The following LIPA variants were observed in gnomAD, a reference collection of about 807,000 sequenced individuals.
The protein encoded by LIPA is lysosomal acid lipase/cholesteryl ester hydrolase.
LIPA carries 26 observed loss-of-function variants against 40.6 expected under a neutral mutation model. The observed-to-expected ratio is 0.64, with a 90% CI of 0.47 to 0.89. The LOEUF is 0.89. LIPA is among the 40% of genes least tolerant of loss of function. The probability of loss-of-function intolerance (pLI) is 0.00; values close to 1 mark genes in which losing one functional copy is unlikely to be tolerated. For synonymous variants in LIPA, 188 were observed against 168.4 expected (o/e 1.12, Z -0.90); for missense variants, 455 against 479.6 (o/e 0.95, Z 0.48).
chr10:89,389,857 G>A (rs1844232978), intron 2 of LIPA, among the ~76,000 whole-genome samples: 1 of 152,038 alleles, frequency 6.6e-6, no homozygotes, highest in South Asian at 2.1e-4. Context: ...TCCAGGGATT[G>A]AGTCCCATAT....
chr10:89,263,435 G>C (rs1401719692), intron 1 of LIPA, among the ~76,000 whole-genome samples: 1 of 152,124 alleles, frequency 6.6e-6, no homozygotes, highest in African/African-American at 2.4e-5. Flanking sequence ...TGCATCTTTG[G>C]TTGGTTTTAT....
intron 1 of LIPA, among the ~76,000 whole-genome samples, chr10:89,258,672 A>T (rs987638335): frequency 6.6e-6 from 1 of 152,238 alleles, no homozygotes; most frequent in African/African-American, 2.4e-5. Flanking sequence ...ACATAGAGTT[A>T]TCATATGACC....
intron 1 of LIPA, among the ~76,000 whole-genome samples, chr10:89,260,733 G>C (rs73357796): frequency 0.011 from 1,615 of 152,258 alleles, 37 homozygotes; most frequent in African/African-American, 0.037. Context: ...AAGGGAAGGA[G>C]GCTTTACAGA....
In LIPA at chr10:89,228,238, C is replaced by T. The variant is rs200684543; in HGVS notation, c.390G>A (p.Lys130=). Residue 130 remains lysine (K), a synonymous_variant, in exon 4 of 10, where the codon AAG becomes AAA. Coordinates refer to ENST00000336233, the MANE Select transcript of LIPA (RefSeq NM_000235.4). ...ATTCATCCTGAGAAACTGAGAGTGT[C>T]TTATGTTTCCGAGACCAGGTATTTC... ...SRGNTWSRKH[K]TLSVSQDEFW... is the part of the protein sequence containing the mutation. 3 of 1,614,160 alleles carry T rather than the reference C, an allele frequency of 1.9e-6. No individual in the cohort carries two copies. Among genetic ancestry groups the T allele is most frequent in the Non-Finnish European group, 2.5e-6 (3 of 1,180,008 alleles).
intron 2 of LIPA, among the ~76,000 whole-genome samples, chr10:89,368,668 CAAATTA>C (rs1198078354): frequency 6.6e-6 from 1 of 151,996 alleles, no homozygotes. Flanking sequence ...TGACAAAAAG[CAAATTA>C]AAATTAAGAT....
At chr10:89,253,712 A>G (rs1307671249), upstream of LIPA, among the ~76,000 whole-genome samples, 1 of 152,240 alleles carries the variant, frequency 6.6e-6, no homozygotes, top group African/African-American at 2.4e-5. Context: ...ACCTGAGACA[A>G]GGCAAGTCCC....
At chr10:89,409,040 G>A (rs1427066751) in intron 2 of LIPA, among the ~76,000 whole-genome samples, 1 of 152,190 alleles carries the variant, frequency 6.6e-6, no homozygotes, top group Non-Finnish European at 1.5e-5. Context: ...GGGAAAGGAA[G>A]AAAATCCTTC....
intron 2 of LIPA, chr10:89,403,726 A>G: frequency 7.3e-7 from 1 of 1,377,866 alleles, no homozygotes; most frequent in South Asian, 1.3e-5. Context: ...CCCAGATATC[A>G]GCCACTTTCA....
At chr10:89,352,465 G>C (rs1189717551) in intron 2 of LIPA, among the ~76,000 whole-genome samples, 1 of 152,100 alleles carries the variant, frequency 6.6e-6, no homozygotes, top group Non-Finnish European at 1.5e-5. Context: ...TCCTCCTATA[G>C]CTTATCGAAT....
Position 89,222,585 on chromosome 10 carries a change from G to A in LIPA, c.823-3C>T. Reference sequence around the variant, plus strand: ...GTTGTATATACATCCACTCTAGACTGCAAAATAAATACATTGAAATGAAGA... The same window carrying A: ...GTTGTATATACATCCACTCTAGACTACAAAATAAATACATTGAAATGAAGA... On this transcript the variant is annotated splice_region_variant and splice_polypyrimidine_tract_variant and intron_variant, in intron 7 of 9. Transcript: ENST00000336233. The A allele has an allele frequency of 6.4e-7, 1 of 1,551,018 alleles. No homozygotes were observed. The highest frequency in any genetic ancestry group is 1.4e-5 in the African/African-American group (1 of 73,866).
chr10:89,339,504 C>G, intron 1 of LIPA: 1 of 1,614,080 alleles, frequency 6.2e-7, no homozygotes, highest in South Asian at 1.1e-5. Context: ...AGATTGGGTG[C>G]TGCTACAAGG....
rs763823355 is a variant in LIPA at position 89,214,800 on chromosome 10, T to C, written c.*28A>G. 5.4e-6 allele frequency: 7 copies of C among 1,284,642 alleles called. No individual in the cohort carries two copies. The African/African-American group carries it at 1.0e-4, about 19-fold the overall frequency. 79.6% of individuals were successfully genotyped at this position (1,284,642 alleles called of 1,614,324 possible). On this transcript the variant is annotated 3_prime_UTR_variant, in exon 10 of 10. Transcript: ENST00000336233. ...ATTTTCACATGACATAATCATTGAC[T>C]TGGTGGTACACAGCTCAAGTCCAGC...
intron 2 of LIPA, among the ~76,000 whole-genome samples, chr10:89,246,252 T>A (rs758128585): frequency 1.3e-5 from 2 of 152,264 alleles, no homozygotes; most frequent in Non-Finnish European, 2.9e-5. Context: ...AATAATTACA[T>A]AGAATGTCAA....
chr10:89,248,374 C>CCACTATAT (rs1305993496), intron 1 of LIPA, among the ~76,000 whole-genome samples: 1 of 150,414 alleles, frequency 6.6e-6, no homozygotes, highest in African/African-American at 2.4e-5. Flanking sequence ...ATTGGCAAGG[C>CCACTATAT]TGGTCTCAGA....
chr10:89,339,778 G>A (rs371613381), intron 1 of LIPA: 2 of 1,614,178 alleles, frequency 1.2e-6, no homozygotes, highest in Non-Finnish European at 1.7e-6. Context: ...TGGGAAGTCT[G>A]AAGACACTGC....
At chr10:89,392,562 A>T in intron 2 of LIPA, 1 of 549,800 alleles carries the variant, frequency 1.8e-6, no homozygotes, top group Non-Finnish European at 3.0e-6. Context: ...ACACACCCAC[A>T]GCTTACACCA....
intron 3 of LIPA, among the ~76,000 whole-genome samples, chr10:89,229,609 TG>T (rs1382540495): frequency 6.6e-6 from 1 of 152,060 alleles, no homozygotes; most frequent in Non-Finnish European, 1.5e-5. Flanking sequence ...AAAAGGTAGC[TG>T]GGTGTGGTGC....
intron 1 of LIPA, among the ~76,000 whole-genome samples, chr10:89,271,546 G>T (rs1843265745): frequency 6.6e-6 from 1 of 152,234 alleles, no homozygotes; most frequent in African/African-American, 2.4e-5. Flanking sequence ...CACAGTGAGG[G>T]TAAGGAGGAG....
intron 2 of LIPA, among the ~76,000 whole-genome samples, chr10:89,391,414 C>T (rs1345251223): frequency 1.3e-5 from 2 of 151,484 alleles, no homozygotes; most frequent in East Asian, 1.9e-4. Context: ...TGGGGTCTCC[C>T]TATGTTGTCC....
Sources: allele counts gnomAD v4.1 joint callset (sites outside exome capture counted in the v4.1 genomes callset), GRCh38; gene constraint gnomAD v4.1.1; transcripts MANE v1.5; gene names NCBI Gene and HGNC (gene_info 2026-07-23, HGNC 2026-07-21).